APPL2: variants seen among roughly 807,000 people sequenced by gnomAD.
APPL2 encodes the protein adaptor protein, phosphotyrosine interacting with PH domain and leucine zipper 2.
Under a neutral mutation model 92.7 loss-of-function variants are expected in APPL2, and 84 were observed. The observed-to-expected ratio is 0.91, with a 90% confidence interval of 0.76 to 1.09. The LOEUF is 1.09. Ranked by LOEUF, APPL2 falls within the 50% of genes least tolerant of loss-of-function variation. APPL2 has a pLI of 0.00. For synonymous variants in APPL2, 291 were observed against 291.0 expected (o/e 1.00, Z 0.00); for missense variants, 736 against 824.5 (o/e 0.89, Z 1.31).
rs1170972165 is a variant in APPL2, at chr12:105,203,767, C to A, written c.640G>T (p.Gly214Ter). The change falls in exon 9 of 21, where the codon GGA becomes TGA. Residue 214 changes from glycine to a stop codon, truncating the protein, a stop_gained. Transcript: ENST00000258530. LOFTEE classifies it high-confidence loss of function. The part of the protein sequence containing the change: ...AHGQINFFKK[G>*]AEMFSKRMDS... ...ATACGTTTGGAAAACATCTCTGCTC[C>A]CTTCTTAAAAAAGTTAATCTGAAAG... is the stretch of plus-strand genomic sequence containing the variant. 1 of 1,613,782 alleles carries A rather than the reference C, an allele frequency of 6.2e-7. No homozygotes were observed. Among genetic ancestry groups the A allele is most frequent in the South Asian group, 1.1e-5 (1 of 91,074 alleles).
At chr12:105,194,901 A>G (rs1008921893) in intron 14 of APPL2, among the ~76,000 whole-genome samples, 2 of 150,516 alleles carry the variant, frequency 1.3e-5, no homozygotes, top group African/African-American at 4.9e-5. Context: ...TTTTTTCCTT[A>G]TTTTTTAAAA....
chr12:105,221,332 T>C (rs1054813702), intron 2 of APPL2, among the ~76,000 whole-genome samples: 1 of 152,240 alleles, frequency 6.6e-6, no homozygotes, highest in Non-Finnish European at 1.5e-5. Flanking sequence ...TATTATCACA[T>C]TTAATCCTCA....
chr12:105,207,429 T>C (rs1414123070), intron 7 of APPL2, among the ~76,000 whole-genome samples: 2 of 152,238 alleles, frequency 1.3e-5, no homozygotes, highest in Non-Finnish European at 2.9e-5. Context: ...GTGAAGCCTG[T>C]ACCCTCCTGG....
intron 2 of APPL2, among the ~76,000 whole-genome samples, chr12:105,219,239 T>C (rs558158598): frequency 1.3e-5 from 2 of 152,374 alleles, no homozygotes; most frequent in South Asian, 2.1e-4. Context: ...AGCCAAGTCC[T>C]ACCTTTTTTT....
intron 4 of APPL2, among the ~76,000 whole-genome samples, chr12:105,213,701 T>G (rs1889405542): frequency 6.6e-6 from 1 of 152,178 alleles, no homozygotes; most frequent in African/African-American, 2.4e-5. Context: ...AATTTCTGAG[T>G]CAAATAACTT....
chr12:105,209,289 C>T (rs756350709), intron 5 of APPL2, among the ~76,000 whole-genome samples: 2 of 152,084 alleles, frequency 1.3e-5, no homozygotes, highest in Non-Finnish European at 2.9e-5. Context: ...TCAGGTATGA[C>T]CTGGGGCCAA....
intron 2 of APPL2, 119 bp from the exon 3 acceptor site, chr12:105,217,844 T>C: frequency 1.2e-6 from 1 of 853,626 alleles, no homozygotes; most frequent in Non-Finnish European, 1.9e-6. Context: ...GGTGCACACC[T>C]ATAATCCTAG....
At chr12:105,182,710 T>C (rs1221284732) in intron 17 of APPL2, among the ~76,000 whole-genome samples, 5 of 152,226 alleles carry the variant, frequency 3.3e-5, no homozygotes, top group Admixed American at 3.3e-4. Flanking sequence ...TGTGACGTGG[T>C]GCTGAGAAGA....
chr12:105,213,832 GTT>G (rs1440645887), intron 4 of APPL2, among the ~76,000 whole-genome samples: 1 of 152,172 alleles, frequency 6.6e-6, no homozygotes, highest in Non-Finnish European at 1.5e-5. Context: ...ACATCAAAAG[GTT>G]TGTTTGAAAA....
intron 10 of APPL2, among the ~76,000 whole-genome samples, chr12:105,198,976 G>C (rs1328484015): frequency 6.6e-6 from 1 of 152,198 alleles, no homozygotes; most frequent in South Asian, 2.1e-4. Context: ...GACTCTAAAA[G>C]CCTCCTGACC....
intron 9 of APPL2, among the ~76,000 whole-genome samples, chr12:105,202,782 T>C (rs1182803326): frequency 1.3e-5 from 2 of 152,342 alleles, no homozygotes; most frequent in Non-Finnish European, 2.9e-5. Context: ...TAGGGGTATA[T>C]GCTCTCAACT....
In APPL2 at chr12:105,199,886, T is replaced by G. The variant is rs549526437; in HGVS notation, c.705-355A>C. Among the ~76,000 whole-genome samples the G allele has an allele frequency of 2.0e-5, 3 of 152,126 alleles. No individual in the cohort carries two copies. The South Asian group carries it at 6.2e-4, about 32-fold the overall frequency. On this transcript the variant is annotated intron_variant, in intron 9 of 20. Transcript: ENST00000258530. ...CAGGCTGGAGTACAGTGGCGCGATC[T>G]CCTCTCACTGCAAGCTCCGCCCCTC...
chr12:105,197,694 A>G, intron 11 of APPL2, 71 bp downstream of exon 11: 4 of 1,575,298 alleles, frequency 2.5e-6, no homozygotes, highest in Non-Finnish European at 3.5e-6. Context: ...ATAGGAATGA[A>G]CTAGGAGGCC....
chr12:105,188,463 T>C lies in APPL2; in HGVS notation c.1460-16A>G. The C allele has an allele frequency of 1.9e-6, 3 of 1,613,560 alleles. No individual in the cohort carries two copies. The highest frequency in any genetic ancestry group is 2.5e-6 in the Non-Finnish European group (3 of 1,179,608). On this transcript the variant is annotated splice_polypyrimidine_tract_variant and intron_variant, in intron 16 of 20. Coordinates refer to ENST00000258530, the MANE Select transcript of APPL2 (RefSeq NM_018171.5). ...AAAAGAGAATCTGGAAGACAGCATTTTCCACTCAGGATCTCATTTACTTCC... is the reference window on the plus strand; with the variant it reads ...AAAAGAGAATCTGGAAGACAGCATTCTCCACTCAGGATCTCATTTACTTCC...
At chr12:105,188,203 T>C in intron 17 of APPL2, 70 bp downstream of exon 17, 1 of 1,519,844 alleles carries the variant, frequency 6.6e-7, no homozygotes, top group African/African-American at 1.4e-5. Context: ...ACATTTCAGA[T>C]GGGTGCATTA....
Position 105,195,266 on chromosome 12 carries a change from G to A in APPL2, c.1236C>T (p.Cys412=). ...TTTCTTTGTCCTTTAGTTACCTGGG[G>A]CATGAGCTTTCTTGTTTTTTTCCAA... ...TSFGKKQESS[C]PSQNLKNSEM... The change falls in exon 14 of 21, where the codon TGC becomes TGT. Residue 412 remains cysteine (C), a synonymous_variant. Coordinates refer to ENST00000258530, the MANE Select transcript of APPL2 (RefSeq NM_018171.5). 1 of 1,614,126 alleles carries A rather than the reference G, an allele frequency of 6.2e-7. No homozygotes were observed.
chr12:105,212,646 C>A (rs551525284), intron 4 of APPL2, among the ~76,000 whole-genome samples: 9 of 152,372 alleles, frequency 5.9e-5, no homozygotes, highest in African/African-American at 2.2e-4. Context: ...AGACCACAGA[C>A]TTCCAGATAT....
At position 105,195,591 on chromosome 12, in the gene APPL2, A is replaced by G. The variant is rs764294132; in HGVS notation, c.1089T>C (p.Asn363=). ...IILQAESRKE[N]EEWICAINNI... Reference sequence around the variant, plus strand: ...TGACAAACAAAATTTTTACCTCTTCATTTTCCTTTCTGCTCTCAGCCTGGA... The same window carrying G: ...TGACAAACAAAATTTTTACCTCTTCGTTTTCCTTTCTGCTCTCAGCCTGGA... Residue 363 remains asparagine, a synonymous_variant, in exon 12 of 21, where the codon AAT becomes AAC. Transcript: ENST00000258530. The G allele has an allele frequency of 6.2e-7, 1 of 1,614,180 alleles. No homozygotes were observed. The highest frequency in any genetic ancestry group is 1.7e-5 in the Admixed American group (1 of 60,020).
chr12:105,186,650 CGATATCAT>C (rs1566056231), intron 17 of APPL2, among the ~76,000 whole-genome samples: 4 of 111,314 alleles, frequency 3.6e-5, no homozygotes, highest in African/African-American at 1.3e-4. Context: ...TATATGATAT[CGATATCAT>C]ATATATCATA....
Sources: allele counts gnomAD v4.1 joint callset (sites outside exome capture counted in the v4.1 genomes callset), GRCh38; gene constraint gnomAD v4.1.1; transcripts MANE v1.5; gene names NCBI Gene and HGNC (gene_info 2026-07-23, HGNC 2026-07-21).